Variants in SMARCC1 observed in about 807,000 individuals in gnomAD.
SMARCC1 encodes the protein SWI/SNF related BAF chromatin remodeling complex subunit C1.
A neutral mutation model predicts 147.4 loss-of-function variants in SMARCC1; 43 were observed. The ratio of observed to expected loss-of-function variants is 0.29; its 90% confidence interval spans 0.23 to 0.38. The LOEUF (loss-of-function observed/expected upper bound fraction) is 0.38, where lower values mean the gene tolerates loss of function less well. Among genes scored for constraint, SMARCC1 ranks in the 10% least tolerant of loss-of-function variants. SMARCC1 has a pLI of 1.00. For missense variants in SMARCC1, 1,119 were observed against 1,381.1 expected, an observed-to-expected ratio of 0.81 and a Z score of 3.01; for synonymous variants, 495 against 484.4, an observed-to-expected ratio of 1.02 and a Z score of -0.29.
intron 22 of SMARCC1, 123 bp from the exon 23 acceptor site, chr3:47,636,259 A>G: frequency 1.6e-6 from 1 of 618,424 alleles, no homozygotes; most frequent in Non-Finnish European, 2.9e-6. Context: ...ACTAGATTCA[A>G]AAGTGACTTG....
intron 10 of SMARCC1, among the ~76,000 whole-genome samples, chr3:47,704,955 T>C (rs1347933421): frequency 7.9e-6 from 1 of 126,486 alleles, no homozygotes; most frequent in Non-Finnish European, 1.6e-5. Context: ...ATAAAAAGAA[T>C]GTAGGCCAGG....
chr3:47,734,630 G>A (rs1157149609), intron 5 of SMARCC1, among the ~76,000 whole-genome samples: 2 of 152,192 alleles, frequency 1.3e-5, no homozygotes, highest in Non-Finnish European at 2.9e-5. Flanking sequence ...CTTAATTACA[G>A]TTTAGTCACA....
intron 26 of SMARCC1, among the ~76,000 whole-genome samples, chr3:47,608,717 C>T (rs1007701503): frequency 1.3e-5 from 2 of 151,856 alleles, no homozygotes; most frequent in African/African-American, 2.4e-5. Flanking sequence ...GGTGTGGTGG[C>T]ATGCACCTGT....
At chr3:47,694,902 T>A (rs1366231161) in intron 11 of SMARCC1, among the ~76,000 whole-genome samples, 3 of 152,240 alleles carry the variant, frequency 2.0e-5, no homozygotes, top group African/African-American at 4.8e-5. Context: ...AGATTCTTTA[T>A]ACATTTTTAG....
At chr3:47,684,606 A>C (rs1213136560) in intron 14 of SMARCC1, among the ~76,000 whole-genome samples, 1 of 151,798 alleles carries the variant, frequency 6.6e-6, no homozygotes, top group African/African-American at 2.4e-5. Context: ...ACGCCTGGCT[A>C]ATTTTTTTGT....
intron 25 of SMARCC1, among the ~76,000 whole-genome samples, chr3:47,611,806 G>A (rs964401715): frequency 1.3e-5 from 2 of 152,208 alleles, no homozygotes; most frequent in Non-Finnish European, 2.9e-5. Context: ...ATGGACAGAT[G>A]GGGTGTGGGA....
chr3:47,635,341 T>C lies in SMARCC1; in HGVS notation c.2495A>G (p.Glu832Gly), dbSNP rs778118076. Reference protein sequence around the residue: ...SEVSEDTKSEEKETEENKELT... With the variant: ...SEVSEDTKSEGKETEENKELT... ...TTCTTTGTTCTCTTCAGTCTCCTTT[T>C]CTTCTGAAAATATCAGAAAGCTTTG... The change falls in exon 24 of 28, where the codon GAA becomes GGA. Residue 832 changes from glutamate to glycine, a missense_variant. Physicochemically the swap from Glu to Gly is moderately conservative, Grantham distance 98 (BLOSUM62 -2). Transcript: ENST00000254480. The C allele has an allele frequency of 6.2e-7, 1 of 1,611,328 alleles. No individual in the cohort carries two copies. Among genetic ancestry groups the C allele is most frequent in the Non-Finnish European group, 8.5e-7 (1 of 1,179,868 alleles).
chr3:47,767,018 A>G (rs886896846), intron 2 of SMARCC1, among the ~76,000 whole-genome samples: 1 of 151,772 alleles, frequency 6.6e-6, no homozygotes, highest in Non-Finnish European at 1.5e-5. Context: ...TGTCTCTACT[A>G]AAATACAAAA....
At chr3:47,719,632 G>C (rs2034205401) in intron 7 of SMARCC1, among the ~76,000 whole-genome samples, 1 of 152,106 alleles carries the variant, frequency 6.6e-6, no homozygotes, top group African/African-American at 2.4e-5. Context: ...GAACCCAGGA[G>C]GTGGAGGTTG....
chr3:47,721,113 G>A (rs1317448224), intron 6 of SMARCC1, among the ~76,000 whole-genome samples: 1 of 152,040 alleles, frequency 6.6e-6, no homozygotes, highest in African/African-American at 2.4e-5. Context: ...CTCTTTCTGT[G>A]AGGCTTAGCA....
chr3:47,761,615 A>G lies in SMARCC1; in HGVS notation c.315+11202T>C, dbSNP rs117172275. The stretch of plus-strand genomic sequence containing the variant: ...ACAACTCAAGTGACTACGACTGCTG[A>G]TTTCTTTCACGTAAGTCCATCCTTT... On this transcript the variant is annotated intron_variant, in intron 2 of 27. Transcript: ENST00000254480. Among the ~76,000 whole-genome samples the G allele has an allele frequency of 2.6e-5, 4 of 152,128 alleles. No homozygotes were observed. The East Asian group carries it at 7.7e-4, about 29-fold the overall frequency.
At chr3:47,596,966 C>A (rs2032293881) in intron 26 of SMARCC1, among the ~76,000 whole-genome samples, 1 of 151,682 alleles carries the variant, frequency 6.6e-6, no homozygotes, top group Non-Finnish European at 1.5e-5. Flanking sequence ...GAGGCCGAGG[C>A]AGGCAGATGA....
chr3:47,628,059 A>G (rs12497826), intron 24 of SMARCC1, among the ~76,000 whole-genome samples: 5 of 151,094 alleles, frequency 3.3e-5, no homozygotes, highest in African/African-American at 1.2e-4. Flanking sequence ...ATATATATAT[A>G]TTTTTTCTTT....
intron 2 of SMARCC1, among the ~76,000 whole-genome samples, chr3:47,763,282 G>A (rs973567220): frequency 6.6e-6 from 1 of 150,968 alleles, no homozygotes; most frequent in African/African-American, 2.4e-5. Flanking sequence ...AAAACGTTAG[G>A]ATTACAGGCA....
chr3:47,653,179 G>A (rs1319078672), intron 21 of SMARCC1, among the ~76,000 whole-genome samples: 1 of 151,972 alleles, frequency 6.6e-6, no homozygotes, highest in African/African-American at 2.4e-5. Flanking sequence ...GGATGGTCTC[G>A]ATCTCCTGAC....
At chr3:47,776,410 TG>T (rs1407059130) in intron 1 of SMARCC1, among the ~76,000 whole-genome samples, 2 of 152,164 alleles carry the variant, frequency 1.3e-5, no homozygotes, top group African/African-American at 4.8e-5. Flanking sequence ...GAGACGAGCC[TG>T]GCCAACATGG....
At chr3:47,778,463 C>A (rs1441521855) in intron 1 of SMARCC1, among the ~76,000 whole-genome samples, 2 of 151,784 alleles carry the variant, frequency 1.3e-5, no homozygotes, top group African/African-American at 4.8e-5. Context: ...CACGTGCATG[C>A]CACCACAACT....
At chr3:47,665,374 G>A (rs553388898) in intron 19 of SMARCC1, among the ~76,000 whole-genome samples, 38 of 152,254 alleles carry the variant, frequency 2.5e-4, no homozygotes, top group Non-Finnish European at 5.4e-4. Context: ...TCGGGTCCAC[G>A]GAAGTAGAAA....
chr3:47,779,159 G>C (rs2035013211), intron 1 of SMARCC1, among the ~76,000 whole-genome samples: 1 of 151,636 alleles, frequency 6.6e-6, no homozygotes, highest in Non-Finnish European at 1.5e-5. Flanking sequence ...CTGAATGCAA[G>C]AGTTTGAGGT....
Sources: allele counts gnomAD v4.1 joint callset (sites outside exome capture counted in the v4.1 genomes callset), GRCh38; gene constraint gnomAD v4.1.1; transcripts MANE v1.5; gene names NCBI Gene and HGNC (gene_info 2026-07-23, HGNC 2026-07-21).